Variants in NEDD4L observed in about 807,000 individuals in gnomAD.
The protein encoded by NEDD4L is NEDD4 like E3 ubiquitin protein ligase.
In NEDD4L, 54 loss-of-function variants were observed where a neutral mutation model predicts 148.9. The observed-to-expected ratio is 0.36, with a 90% CI of 0.29 to 0.45. The LOEUF (loss-of-function observed/expected upper bound fraction) is 0.45. NEDD4L is among the 20% of genes least tolerant of loss of function. The probability of loss-of-function intolerance (pLI) is 1.00; values close to 1 mark genes in which losing one functional copy is unlikely to be tolerated. For missense variants in NEDD4L, 856 were observed against 1,233.8 expected (o/e 0.69, Z 4.59); for synonymous variants, 433 against 440.7 (o/e 0.98, Z 0.22).
intron 2 of NEDD4L, among the ~76,000 whole-genome samples, chr18:58,217,907 C>T (rs927719738): frequency 2.0e-5 from 3 of 152,166 alleles, no homozygotes; most frequent in Admixed American, 6.5e-5. Context: ...TAGTAAAGCT[C>T]GTAATGTTAT....
intron 1 of NEDD4L, among the ~76,000 whole-genome samples, chr18:58,059,158 G>A (rs75318802): frequency 0.19 from 28,200 of 151,994 alleles, 3,254 homozygotes; most frequent in East Asian, 0.41. Flanking sequence ...CTAACTCCTG[G>A]GCTCAGCGGT....
chr18:58,234,168 C>CTCT (rs2045697348), intron 2 of NEDD4L, among the ~76,000 whole-genome samples: 1 of 146,230 alleles, frequency 6.8e-6, no homozygotes, highest in African/African-American at 2.5e-5. Flanking sequence ...TTCTTTTTCT[C>CTCT]TCTCTTTCTT....
intron 2 of NEDD4L, among the ~76,000 whole-genome samples, chr18:58,178,734 G>A (rs2038463913): frequency 6.6e-6 from 1 of 152,188 alleles, no homozygotes; most frequent in Non-Finnish European, 1.5e-5. Context: ...TCTGGCATAG[G>A]AATGTGTAGT....
intron 5 of NEDD4L, among the ~76,000 whole-genome samples, chr18:58,296,092 G>A (rs1036367599): frequency 5.3e-5 from 8 of 152,144 alleles, no homozygotes; most frequent in Admixed American, 2.0e-4. Flanking sequence ...ATCACTTTGC[G>A]GCAGACCTTC....
chr18:58,212,572 G>A (rs182991808), intron 2 of NEDD4L, among the ~76,000 whole-genome samples: 1 of 152,234 alleles, frequency 6.6e-6, no homozygotes, highest in Admixed American at 6.5e-5. Flanking sequence ...TGACACGTGG[G>A]GATTATTACA....
rs531417244 is a variant in NEDD4L at position 58,245,594 on chromosome 18, G to A, written c.204+86G>A. On this transcript the variant is annotated intron_variant, in intron 3 of 30. Coordinates refer to ENST00000400345, the MANE Select transcript of NEDD4L (RefSeq NM_001144967.3). ...TCATGTGCTGCTTAACACCTTTTTG[G>A]TCAAGGATGGACTACTTACACAGTG... 17 of 650,876 alleles carry A rather than the reference G, an allele frequency of 2.6e-5. No homozygotes were observed. In the African/African-American group the frequency reaches 2.8e-4, roughly 11 times the overall value. 40.3% of individuals were successfully genotyped at this position (650,876 alleles called of 1,614,324 possible).
intron 2 of NEDD4L, among the ~76,000 whole-genome samples, chr18:58,241,499 C>T (rs2046628970): frequency 6.6e-6 from 1 of 152,178 alleles, no homozygotes; most frequent in Admixed American, 6.5e-5. Context: ...CTCCATCTGG[C>T]AGTGGTATCT....
At chr18:58,212,253 T>C (rs1282630348) in intron 2 of NEDD4L, among the ~76,000 whole-genome samples, 2 of 151,788 alleles carry the variant, frequency 1.3e-5, no homozygotes, top group Non-Finnish European at 2.9e-5. Context: ...CAGCCTCCCA[T>C]GTAGCTGAGA....
intron 1 of NEDD4L, among the ~76,000 whole-genome samples, chr18:58,150,349 C>T (rs1302282662): frequency 6.6e-6 from 1 of 152,238 alleles, no homozygotes; most frequent in East Asian, 1.9e-4. Context: ...ATTCTCCTGC[C>T]TCAGCCTCCT....
At chr18:58,202,389 A>G (rs943892928) in intron 2 of NEDD4L, among the ~76,000 whole-genome samples, 1 of 152,250 alleles carries the variant, frequency 6.6e-6, no homozygotes, top group Non-Finnish European at 1.5e-5. Flanking sequence ...GTCCATGGGC[A>G]GCAGCATCCC....
chr18:58,346,293 A>G (rs1266789990), intron 16 of NEDD4L, among the ~76,000 whole-genome samples: 1 of 152,230 alleles, frequency 6.6e-6, no homozygotes, highest in African/African-American at 2.4e-5. Flanking sequence ...CATGACACTC[A>G]AGCAATAAAT....
intron 1 of NEDD4L, among the ~76,000 whole-genome samples, chr18:58,075,661 C>T (rs2083118115): frequency 6.6e-6 from 1 of 152,080 alleles, no homozygotes; most frequent in African/African-American, 2.4e-5. Flanking sequence ...TGTGGCGCCT[C>T]ATGATTGTAA....
chr18:58,380,803 T>TA (rs1406103377), intron 24 of NEDD4L, among the ~76,000 whole-genome samples: 1 of 152,184 alleles, frequency 6.6e-6, no homozygotes, highest in Non-Finnish European at 1.5e-5. Context: ...AACTCCCACT[T>TA]ATGAGTGAAG....
intron 1 of NEDD4L, among the ~76,000 whole-genome samples, chr18:58,110,679 A>G (rs1447231280): frequency 6.6e-6 from 1 of 152,182 alleles, no homozygotes; most frequent in Non-Finnish European, 1.5e-5. Context: ...TTAAGATGAC[A>G]TGGGGATTTT....
chr18:58,354,144 G>C (rs1321388482), intron 18 of NEDD4L, among the ~76,000 whole-genome samples: 1 of 152,166 alleles, frequency 6.6e-6, no homozygotes, highest in Non-Finnish European at 1.5e-5. Context: ...TCAGGTGGGA[G>C]GTTAAAGGAA....
intron 2 of NEDD4L, among the ~76,000 whole-genome samples, chr18:58,171,688 G>A (rs2037524601): frequency 6.6e-6 from 1 of 152,228 alleles, no homozygotes; most frequent in African/African-American, 2.4e-5. Context: ...CAGCCTGGAG[G>A]AAGGGGTACT....
At chr18:58,341,845 C>T in intron 15 of NEDD4L, 48 bp downstream of exon 15, 2 of 1,584,228 alleles carry the variant, frequency 1.3e-6, no homozygotes, top group Non-Finnish European at 1.7e-6. Context: ...CCTGTGACTC[C>T]CATTCTTTCT....
At chr18:58,351,278 T>G (rs1437200391) in intron 18 of NEDD4L, 1 of 637,318 alleles carries the variant, frequency 1.6e-6, no homozygotes, top group Non-Finnish European at 2.0e-6. Context: ...CCTATTAACG[T>G]GTTTTTTTTT....
chr18:58,164,651 A>G (rs1024580327), intron 1 of NEDD4L, among the ~76,000 whole-genome samples: 1 of 152,182 alleles, frequency 6.6e-6, no homozygotes, highest in African/African-American at 2.4e-5. Flanking sequence ...TTGTATTTTT[A>G]GTAGAGACAG....
Sources: gnomAD v4.1 joint callset for allele counts (sites outside exome capture counted in the v4.1 genomes callset) on GRCh38, gnomAD v4.1.1 for gene constraint, MANE v1.5 for transcripts, NCBI Gene and HGNC (gene_info 2026-07-23, HGNC 2026-07-21) for gene names.